Variants in IPMK observed in about 807,000 individuals in gnomAD.
IPMK encodes inositol 1,3,4,6-tetrakisphosphate 5-kinase.
A neutral mutation model predicts 45.8 loss-of-function variants in IPMK; 17 were observed. The ratio of observed to expected loss-of-function variants is 0.37; its 90% CI spans 0.25 to 0.56. IPMK has a LOEUF of 0.56. Ranked by LOEUF, IPMK falls within the 20% of genes least tolerant of loss-of-function variation. The pLI is 0.79. For missense variants in IPMK, 399 were observed against 498.0 expected (o/e 0.80, Z 1.89); for synonymous variants, 180 against 184.3 (o/e 0.98, Z 0.19).
chr10:58,245,299 A>C (rs1340341674), intron 1 of IPMK, among the ~76,000 whole-genome samples: 1 of 151,994 alleles, frequency 6.6e-6, no homozygotes, highest in Non-Finnish European at 1.5e-5. Context: ...AGAGTTGTTC[A>C]GTGGACATGA....
intron 1 of IPMK, among the ~76,000 whole-genome samples, chr10:58,250,557 C>G (rs1025160623): frequency 2.6e-5 from 4 of 152,142 alleles, no homozygotes; most frequent in African/African-American, 9.7e-5. Context: ...ATTCTTTCAT[C>G]AGCTCTAACA....
chr10:58,238,897 C>T lies in IPMK; in HGVS notation c.191-1083G>A, dbSNP rs181568266. 4.0e-5 allele frequency among the ~76,000 whole-genome samples: 6 copies of T among 151,558 alleles called. No homozygotes were observed. The East Asian group carries it at 1.2e-3, about 29-fold the overall frequency. ...GATATAGGCCAGGCATGCTGGCTCA[C>T]ACCTGTAATTCCAGCACTTTGGTAG... On this transcript the variant is annotated intron_variant, in intron 1 of 5. Transcript: ENST00000373935.
At position 58,227,050 on chromosome 10, in the gene IPMK, T is replaced by C; in HGVS notation, c.366A>G (p.Ala122=). Residue 122 remains alanine, a synonymous_variant, in exon 3 of 6, where the codon GCA becomes GCG. Transcript: ENST00000373935. ...KYYGIWSPPT[A]PNDLYLKLED... is the part of the protein sequence containing the mutation. ...TTTTTATGACAAGATTACCGTTTGG[T>C]GCAGTGGGAGGTGACCAGATGCCAT... 1 of 1,603,790 alleles carries C rather than the reference T, an allele frequency of 6.2e-7. No individual in the cohort carries two copies. Among genetic ancestry groups the C allele is most frequent in the Non-Finnish European group, 8.5e-7 (1 of 1,171,400 alleles).
intron 1 of IPMK, among the ~76,000 whole-genome samples, chr10:58,240,033 A>C (rs1230421859): frequency 6.6e-6 from 1 of 152,222 alleles, no homozygotes; most frequent in African/African-American, 2.4e-5. Context: ...TCAAAATATC[A>C]GGAAAACATA....
At chr10:58,255,809 C>G (rs1838959198) in intron 1 of IPMK, among the ~76,000 whole-genome samples, 1 of 152,134 alleles carries the variant, frequency 6.6e-6, no homozygotes, top group African/African-American at 2.4e-5. Context: ...GAAGCCACAA[C>G]AGAAGAACAT....
rs1837852918 is a variant in IPMK at position 58,193,912 on chromosome 10, A to C, written c.*2164T>G. The C allele has an allele frequency of 1.3e-5, 2 of 151,852 alleles. No individual in the cohort carries two copies. The highest frequency in any genetic ancestry group is 4.8e-5 in the African/African-American group (2 of 41,432). The allele number at this position is 151,852 out of a possible 1,614,324, so 9.4% of individuals were successfully genotyped here. On this transcript the variant is annotated 3_prime_UTR_variant, in exon 6 of 6. Coordinates refer to ENST00000373935, the MANE Select transcript of IPMK (RefSeq NM_152230.5). Reference sequence around the variant, plus strand: ...TAAGCCTACTTATAAAGCAACATAAAATGAGCATTGGATAACAATGATAAC... The same window carrying C: ...TAAGCCTACTTATAAAGCAACATAACATGAGCATTGGATAACAATGATAAC...
chr10:58,216,721 T>C (rs183577090), intron 3 of IPMK, among the ~76,000 whole-genome samples: 2 of 152,322 alleles, frequency 1.3e-5, no homozygotes, highest in East Asian at 1.9e-4. Flanking sequence ...TTAAAATTAG[T>C]AATAGGAATA....
chr10:58,248,072 G>A (rs2132172516), intron 1 of IPMK, among the ~76,000 whole-genome samples: 1 of 152,076 alleles, frequency 6.6e-6, no homozygotes, highest in Non-Finnish European at 1.5e-5. Flanking sequence ...TGCTCCTTGT[G>A]AAAAATCGGG....
chr10:58,255,117 C>T (rs1433842496), intron 1 of IPMK, among the ~76,000 whole-genome samples: 1 of 152,202 alleles, frequency 6.6e-6, no homozygotes, highest in African/African-American at 2.4e-5. Context: ...AGACTGTCCC[C>T]CTACAGCTCT....
In IPMK at chr10:58,196,133, T is replaced by A. The variant is rs1434595751; in HGVS notation, c.1194A>T (p.Gly398=). The change falls in exon 6 of 6, where the codon GGA becomes GGT. Residue 398 remains glycine, a synonymous_variant. Transcript: ENST00000373935. ...HVFPSNTIDE[G]YVYGLKHLIS... is the part of the protein sequence containing the mutation. ...TTAAATGCTTTAGCCCATAAACATATCCCTCATCTATTGTGTTGCTAGGGA... is the reference window on the plus strand; with the variant it reads ...TTAAATGCTTTAGCCCATAAACATAACCCTCATCTATTGTGTTGCTAGGGA... 4.3e-6 allele frequency: 7 copies of A among 1,613,818 alleles called. No individual in the cohort carries two copies. The South Asian group carries it at 6.6e-5, about 15-fold the overall frequency.
At chr10:58,224,550 T>G (rs1200307372) in intron 3 of IPMK, among the ~76,000 whole-genome samples, 1 of 152,230 alleles carries the variant, frequency 6.6e-6, no homozygotes, top group Non-Finnish European at 1.5e-5. Context: ...ATCAGTTTTA[T>G]GGTATGTAAA....
In IPMK at chr10:58,267,593, A is replaced by T; in HGVS notation, c.19T>A (p.Ser7Thr). The T allele has an allele frequency of 3.7e-6, 6 of 1,601,374 alleles. No homozygotes were observed. Among genetic ancestry groups the T allele is most frequent in the Non-Finnish European group, 5.1e-6 (6 of 1,174,328 alleles). Residue 7 changes from serine (S) to threonine (T), a missense_variant, in exon 1 of 6, where the codon TCC becomes ACC. Coordinates refer to ENST00000373935, the MANE Select transcript of IPMK (RefSeq NM_152230.5). Reference sequence around the variant, plus strand: ...CCCGGCGCCTCGACCCGGAGGGGGGATGGTGGCTCTGTTGCCATAACGGAG... The same window carrying T: ...CCCGGCGCCTCGACCCGGAGGGGGGTTGGTGGCTCTGTTGCCATAACGGAG... The part of the protein sequence containing the change: MATEPP[S>T]PLRVEAPGPP...
At chr10:58,260,443 T>C (rs530139381) in intron 1 of IPMK, among the ~76,000 whole-genome samples, 1 of 152,144 alleles carries the variant, frequency 6.6e-6, no homozygotes, top group Non-Finnish European at 1.5e-5. Context: ...GGTGAGAAAA[T>C]TGTCTTATTT....
intron 1 of IPMK, among the ~76,000 whole-genome samples, chr10:58,260,783 A>ATC (rs1039577244): frequency 9.9e-5 from 15 of 152,204 alleles, no homozygotes; most frequent in African/African-American, 3.6e-4. Flanking sequence ...AAAGGACTAA[A>ATC]TAGAGAGATA....
intron 2 of IPMK, among the ~76,000 whole-genome samples, chr10:58,231,114 G>A (rs761284787): frequency 2.0e-5 from 3 of 152,076 alleles, no homozygotes; most frequent in Non-Finnish European, 4.4e-5. Flanking sequence ...AAAGCAAGAC[G>A]ACAAGGTTAG....
intron 2 of IPMK, among the ~76,000 whole-genome samples, chr10:58,237,506 T>C (rs1838631310): frequency 6.6e-6 from 1 of 152,182 alleles, no homozygotes; most frequent in South Asian, 2.1e-4. Context: ...TGAGAAGAAG[T>C]ATCTACCATA....
intron 4 of IPMK, among the ~76,000 whole-genome samples, chr10:58,208,070 A>T (rs1838098623): frequency 1.3e-5 from 2 of 152,008 alleles, no homozygotes. Flanking sequence ...CCTCCCCAGC[A>T]GCTGGGACTA....
At chr10:58,259,422 A>G (rs910566625) in intron 1 of IPMK, among the ~76,000 whole-genome samples, 2 of 152,050 alleles carry the variant, frequency 1.3e-5, no homozygotes, top group African/African-American at 2.4e-5. Context: ...ACAATAATGG[A>G]TATCTATCCA....
At chr10:58,212,826 A>C in intron 4 of IPMK, 1 of 227,640 alleles carries the variant, frequency 4.4e-6, no homozygotes, top group Non-Finnish European at 9.7e-6. Flanking sequence ...TGACAGTATC[A>C]ACAGTGATAA....
Sources: gnomAD v4.1 joint callset for allele counts (sites outside exome capture counted in the v4.1 genomes callset) on GRCh38, gnomAD v4.1.1 for gene constraint, MANE v1.5 for transcripts, NCBI Gene and HGNC (gene_info 2026-07-23, HGNC 2026-07-21) for gene names.